Variants in NKAIN2 observed in about 807,000 individuals in gnomAD.
NKAIN2 encodes the protein sodium/potassium-transporting ATPase subunit beta-1-interacting protein 2.
NKAIN2 carries 14 observed loss-of-function variants against 32.6 expected under a neutral mutation model. The observed-to-expected ratio is 0.43, with a 90% CI of 0.28 to 0.67. The LOEUF (loss-of-function observed/expected upper bound fraction) is 0.67, where lower values mean the gene tolerates loss of function less well. NKAIN2 is among the 30% of genes least tolerant of loss of function. NKAIN2 has a pLI of 0.17. For missense variants in NKAIN2, 198 were observed against 258.3 expected, an observed-to-expected ratio of 0.77 and a Z score of 1.60; for synonymous variants, 80 against 87.2, an observed-to-expected ratio of 0.92 and a Z score of 0.46.
intron 3 of NKAIN2, among the ~76,000 whole-genome samples, chr6:124,435,500 A>G (rs1029585752): frequency 6.6e-6 from 1 of 152,158 alleles, no homozygotes; most frequent in Non-Finnish European, 1.5e-5. Context: ...CAACAATCCT[A>G]TGATGCTGTA....
chr6:124,328,736 A>T (rs955080176), intron 2 of NKAIN2, among the ~76,000 whole-genome samples: 4 of 151,976 alleles, frequency 2.6e-5, no homozygotes, highest in African/African-American at 9.7e-5. Context: ...AGGCGTTTGT[A>T]CTCCCCGTGG....
chr6:124,148,034 T>G (rs766707497), intron 1 of NKAIN2, among the ~76,000 whole-genome samples: 31 of 152,140 alleles, frequency 2.0e-4, no homozygotes, highest in African/African-American at 4.1e-4. Flanking sequence ...ATATAGGTAT[T>G]CTATAATCAT....
chr6:124,038,586 A>G (rs1437588030), intron 1 of NKAIN2, among the ~76,000 whole-genome samples: 1 of 152,128 alleles, frequency 6.6e-6, no homozygotes, highest in Non-Finnish European at 1.5e-5. Flanking sequence ...CTGGACATTT[A>G]AACTGCATAT....
At chr6:123,941,911 G>C (rs1776845172) in intron 1 of NKAIN2, among the ~76,000 whole-genome samples, 1 of 151,674 alleles carries the variant, frequency 6.6e-6, no homozygotes, top group Non-Finnish European at 1.5e-5. Flanking sequence ...TTCTATCCTT[G>C]GACTTCAGCT....
At chr6:123,883,721 C>A (rs1207469195) in intron 1 of NKAIN2, among the ~76,000 whole-genome samples, 1 of 147,678 alleles carries the variant, frequency 6.8e-6, no homozygotes, top group Non-Finnish European at 1.5e-5. Flanking sequence ...AAAAGAGGTA[C>A]ATTTTAAAAA....
intron 1 of NKAIN2, among the ~76,000 whole-genome samples, chr6:124,188,957 CA>C (rs1360117948): frequency 6.6e-6 from 1 of 152,078 alleles, no homozygotes; most frequent in Non-Finnish European, 1.5e-5. Context: ...CAGTTCTGAG[CA>C]AATTTGAAAA....
At chr6:124,348,912 A>C (rs1798579229) in intron 2 of NKAIN2, among the ~76,000 whole-genome samples, 1 of 152,120 alleles carries the variant, frequency 6.6e-6, no homozygotes, top group South Asian at 2.1e-4. Context: ...TGCTTTTCCG[A>C]CGGGCTTAAA....
intron 3 of NKAIN2, among the ~76,000 whole-genome samples, chr6:124,363,890 T>G (rs997373236): frequency 5.3e-5 from 8 of 152,046 alleles, no homozygotes; most frequent in African/African-American, 1.7e-4. Context: ...AATGTAATGA[T>G]TGAAAGAGAA....
intron 4 of NKAIN2, among the ~76,000 whole-genome samples, chr6:124,781,328 G>T (rs1400978163): frequency 6.6e-6 from 1 of 152,048 alleles, no homozygotes. Flanking sequence ...GATGATGATA[G>T]AAATTATCTC....
intron 3 of NKAIN2, among the ~76,000 whole-genome samples, chr6:124,378,896 C>T (rs563930822): frequency 9.3e-5 from 14 of 150,044 alleles, no homozygotes; most frequent in Non-Finnish European, 1.6e-4. Flanking sequence ...TTGAGTCCAG[C>T]CTGGGCAACA....
chr6:124,725,921 T>G (rs569959427), intron 4 of NKAIN2, among the ~76,000 whole-genome samples: 45 of 152,354 alleles, frequency 3.0e-4, no homozygotes, highest in African/African-American at 1.0e-3. Context: ...GGGAGTTCCC[T>G]TTCCGAGTCA....
chr6:124,328,502 A>G (rs986910840), intron 2 of NKAIN2, among the ~76,000 whole-genome samples: 3 of 152,170 alleles, frequency 2.0e-5, no homozygotes, highest in African/African-American at 7.2e-5. Flanking sequence ...CACATGTATC[A>G]GCTACCCTGG....
intron 1 of NKAIN2, chr6:124,282,309 GT>G: frequency 3.1e-6 from 1 of 326,476 alleles, no homozygotes; most frequent in South Asian, 2.5e-5. Context: ...TTTTGTGTTT[GT>G]TTTCCATTGT....
chr6:124,391,634 A>G (rs1773146274), intron 3 of NKAIN2, among the ~76,000 whole-genome samples: 1 of 152,116 alleles, frequency 6.6e-6, no homozygotes, highest in African/African-American at 2.4e-5. Flanking sequence ...CCCAGTGACA[A>G]CAGAGTCTAA....
chr6:124,153,246 T>C (rs187112707), intron 1 of NKAIN2, among the ~76,000 whole-genome samples: 1 of 151,984 alleles, frequency 6.6e-6, no homozygotes, highest in East Asian at 1.9e-4. Context: ...TATCAAAATA[T>C]CACATGCAAC....
chr6:124,196,289 T>G (rs555825287), intron 1 of NKAIN2, among the ~76,000 whole-genome samples: 1 of 152,190 alleles, frequency 6.6e-6, no homozygotes, highest in South Asian at 2.1e-4. Context: ...AAAGATTATA[T>G]GACAATAACA....
At chr6:124,354,857 A>C (rs11154222) in intron 2 of NKAIN2, among the ~76,000 whole-genome samples, 33,994 of 149,694 alleles carry the variant, frequency 0.23, 4,017 homozygotes, top group Admixed American at 0.3. Flanking sequence ...AAAAAAAAAA[A>C]AAAAACTCAA....
At chr6:124,446,059 A>G (rs867819142) in intron 3 of NKAIN2, among the ~76,000 whole-genome samples, 5 of 152,118 alleles carry the variant, frequency 3.3e-5, no homozygotes, top group African/African-American at 9.7e-5. Context: ...ACGGCAGAAC[A>G]TTGGTCTTGT....
At chr6:124,171,416 A>C (rs1788848830) in intron 1 of NKAIN2, among the ~76,000 whole-genome samples, 1 of 152,136 alleles carries the variant, frequency 6.6e-6, no homozygotes, top group African/African-American at 2.4e-5. Flanking sequence ...TCATTTCTGC[A>C]GTTTATTCGG....
Sources: allele counts gnomAD v4.1 joint callset (sites outside exome capture counted in the v4.1 genomes callset), GRCh38; gene constraint gnomAD v4.1.1; transcripts MANE v1.5; gene names NCBI Gene and HGNC (gene_info 2026-07-23, HGNC 2026-07-21).